PPARGC1A: variants seen among roughly 807,000 people sequenced by gnomAD.
PPARGC1A encodes the protein PPARG coactivator 1 alpha, also known as peroxisome proliferator-activated receptor gamma coactivator 1-alpha.
In PPARGC1A, 25 loss-of-function variants were observed where a neutral mutation model predicts 88.7. The observed-to-expected ratio is 0.28, with a 90% CI of 0.21 to 0.39. PPARGC1A has a LOEUF of 0.39. Ranked by LOEUF, PPARGC1A falls within the 10% of genes least tolerant of loss-of-function variation. The probability of loss-of-function intolerance (pLI) is 1.00; values close to 1 mark genes in which losing one functional copy is unlikely to be tolerated. For synonymous variants in PPARGC1A, 363 were observed against 355.6 expected, an observed-to-expected ratio of 1.02 and a Z score of -0.24; for missense variants, 880 against 968.7, an observed-to-expected ratio of 0.91 and a Z score of 1.22.
the PPARGC1A span, among the ~76,000 whole-genome samples, chr4:24,149,388 A>T: frequency 1.3e-5 from 2 of 152,046 alleles, no homozygotes; most frequent in African/African-American, 4.8e-5. Flanking sequence ...AATAACTAGC[A>T]TCTTCTATGA....
the PPARGC1A span, among the ~76,000 whole-genome samples, chr4:24,063,512 G>A: frequency 6.6e-6 from 1 of 152,086 alleles, no homozygotes; most frequent in African/African-American, 2.4e-5. Context: ...CCAATCTCAA[G>A]TTCCTCATCT....
the PPARGC1A span, among the ~76,000 whole-genome samples, chr4:24,358,903 T>TCATGTTCCACACCCATTTTCCC: frequency 1.3e-5 from 2 of 152,308 alleles, no homozygotes; most frequent in African/African-American, 4.8e-5. Context: ...GACATTTTCC[T>TCATGTTCCACACCCATTTTCCC]CATGTTCCAC....
At chr4:24,273,788 T>C in the PPARGC1A span, among the ~76,000 whole-genome samples, 1 of 144,058 alleles carries the variant, frequency 6.9e-6, no homozygotes, top group African/African-American at 2.6e-5. Context: ...TGGAGTGCAA[T>C]GGCATGATCT....
chr4:24,312,163 T>A, the PPARGC1A span, among the ~76,000 whole-genome samples: 1 of 152,192 alleles, frequency 6.6e-6, no homozygotes, highest in Non-Finnish European at 1.5e-5. Flanking sequence ...TCTTGCCCAG[T>A]AATGACATCC....
chr4:24,275,693 T>A, the PPARGC1A span, among the ~76,000 whole-genome samples: 1 of 152,234 alleles, frequency 6.6e-6, no homozygotes, highest in African/African-American at 2.4e-5. Flanking sequence ...ATTAATGTTA[T>A]CTGCTCAGAG....
chr4:24,260,719 CT>C, the PPARGC1A span, among the ~76,000 whole-genome samples: 2,802 of 146,048 alleles, frequency 0.019, 86 homozygotes, highest in African/African-American at 0.064. Context: ...TACAACATGT[CT>C]TTTTTTTTTT....
upstream of PPARGC1A, among the ~76,000 whole-genome samples, chr4:23,892,667 ACT>A (rs1399722960): frequency 2.0e-5 from 3 of 149,786 alleles, no homozygotes; most frequent in Non-Finnish European, 4.4e-5. Context: ...TATTTCTCTT[ACT>A]CTCTACCCAC....
chr4:24,296,062 G>A, the PPARGC1A span, among the ~76,000 whole-genome samples: 2 of 150,496 alleles, frequency 1.3e-5, no homozygotes, highest in South Asian at 2.1e-4. Flanking sequence ...GTGTATATAT[G>A]TGTATATGTA....
the PPARGC1A span, among the ~76,000 whole-genome samples, chr4:24,322,517 A>T: frequency 0.46 from 69,812 of 152,004 alleles, 16,420 homozygotes; most frequent in African/African-American, 0.53. Context: ...TACCTCTTGG[A>T]TGTATCTGTG....
the PPARGC1A span, among the ~76,000 whole-genome samples, chr4:24,122,436 TAGAGAGAG>T: frequency 2.3e-4 from 28 of 124,246 alleles, no homozygotes; most frequent in African/African-American, 9.4e-5. Context: ...TATATATATA[TAGAGAGAG>T]AGAGAGAGAG....
the PPARGC1A span, among the ~76,000 whole-genome samples, chr4:24,244,424 A>T: frequency 6.6e-6 from 1 of 152,218 alleles, no homozygotes; most frequent in Non-Finnish European, 1.5e-5. Flanking sequence ...CTTTTAAGTT[A>T]TGTATTAAGC....
At chr4:24,205,894 A>G in the PPARGC1A span, among the ~76,000 whole-genome samples, 1 of 152,206 alleles carries the variant, frequency 6.6e-6, no homozygotes, top group South Asian at 2.1e-4. Flanking sequence ...ATGGCTAAAC[A>G]TAAGAAACCT....
the PPARGC1A span, among the ~76,000 whole-genome samples, chr4:24,072,241 T>C: frequency 6.6e-6 from 1 of 150,710 alleles, no homozygotes; most frequent in Non-Finnish European, 1.5e-5. Flanking sequence ...TATACATATA[T>C]AAGCACACAT....
At chr4:23,999,354 G>C in the PPARGC1A span, among the ~76,000 whole-genome samples, 1 of 152,200 alleles carries the variant, frequency 6.6e-6, no homozygotes, top group Non-Finnish European at 1.5e-5. Context: ...TACAACAGCT[G>C]TTTAGAGAAT....
At chr4:24,168,642 GACACACACAC>G in the PPARGC1A span, among the ~76,000 whole-genome samples, 3 of 148,188 alleles carry the variant, frequency 2.0e-5, no homozygotes, top group East Asian at 6.0e-4. Flanking sequence ...CACAGACATA[GACACACACAC>G]ACACACACAC....
the PPARGC1A span, among the ~76,000 whole-genome samples, chr4:24,334,370 G>A: frequency 6.6e-6 from 1 of 152,154 alleles, no homozygotes; most frequent in African/African-American, 2.4e-5. Context: ...TCTTCAGAAA[G>A]TGAATTAACT....
chr4:24,128,686 CA>C, the PPARGC1A span, among the ~76,000 whole-genome samples: 1 of 151,626 alleles, frequency 6.6e-6, no homozygotes, highest in Non-Finnish European at 1.5e-5. Flanking sequence ...TAAAATTTTC[CA>C]TGGTATTATC....
the PPARGC1A span, among the ~76,000 whole-genome samples, chr4:24,242,310 C>G: frequency 6.6e-6 from 1 of 152,324 alleles, no homozygotes; most frequent in African/African-American, 2.4e-5. Context: ...CTGGCTACAG[C>G]CTCGTCCTGA....
At chr4:24,173,217 A>G in the PPARGC1A span, among the ~76,000 whole-genome samples, 1 of 151,994 alleles carries the variant, frequency 6.6e-6, no homozygotes, top group African/African-American at 2.4e-5. Context: ...GGCCTAAATG[A>G]TCATTAAAAC....
Sources: allele counts gnomAD v4.1 joint callset (sites outside exome capture counted in the v4.1 genomes callset), GRCh38; gene constraint gnomAD v4.1.1; transcripts MANE v1.5; gene names NCBI Gene and HGNC (gene_info 2026-07-23, HGNC 2026-07-21).